The following FAM78B variants were observed in gnomAD, a reference collection of about 807,000 sequenced individuals.
FAM78B encodes the protein family with sequence similarity 78 member B, also known as protein FAM78B.
A neutral mutation model predicts 20.0 loss-of-function variants in FAM78B; 10 were observed. That is an observed-to-expected ratio of 0.50 (90% CI 0.31 to 0.85). The LOEUF (loss-of-function observed/expected upper bound fraction) is 0.85, where lower values mean the gene tolerates loss of function less well. FAM78B is among the 40% of genes least tolerant of loss of function. The pLI is 0.05. For missense variants in FAM78B, 283 were observed against 345.0 expected, an observed-to-expected ratio of 0.82 and a Z score of 1.42; for synonymous variants, 135 against 132.8, an observed-to-expected ratio of 1.02 and a Z score of -0.12.
intron 1 of FAM78B, among the ~76,000 whole-genome samples, chr1:166,094,218 A>G (rs1653188388): frequency 6.6e-6 from 1 of 152,128 alleles, no homozygotes; most frequent in East Asian, 1.9e-4. Context: ...CAAGGGAAAA[A>G]TGATGGCAAG....
intron 1 of FAM78B, among the ~76,000 whole-genome samples, chr1:166,113,887 C>A (rs2101761412): frequency 6.6e-6 from 1 of 152,316 alleles, no homozygotes; most frequent in African/African-American, 2.4e-5. Flanking sequence ...AAGATGCCAT[C>A]TTCGCAGGGG....
chr1:166,117,536 G>A (rs1654307057), intron 1 of FAM78B, among the ~76,000 whole-genome samples: 1 of 151,934 alleles, frequency 6.6e-6, no homozygotes, highest in Non-Finnish European at 1.5e-5. Flanking sequence ...CAGCTTCTAG[G>A]GGCCCCATTT....
chr1:166,075,313 T>C (rs968366920), intron 1 of FAM78B, among the ~76,000 whole-genome samples: 2 of 152,284 alleles, frequency 1.3e-5, no homozygotes, highest in Admixed American at 6.5e-5. Flanking sequence ...GTGTCACATA[T>C]AAGAGATATT....
At chr1:166,081,993 T>C (rs1160064582) in intron 1 of FAM78B, among the ~76,000 whole-genome samples, 2 of 152,174 alleles carry the variant, frequency 1.3e-5, no homozygotes, top group African/African-American at 4.8e-5. Flanking sequence ...GCCGCCACCC[T>C]TCTCCAAGCC....
At chr1:166,131,320 A>G (rs191999951) in intron 1 of FAM78B, among the ~76,000 whole-genome samples, 11 of 152,174 alleles carry the variant, frequency 7.2e-5, no homozygotes, top group Non-Finnish European at 1.3e-4. Flanking sequence ...GGTGCTTTTT[A>G]ATAGTGTCTC....
chr1:166,152,009 A>AG (rs897446671), intron 1 of FAM78B, among the ~76,000 whole-genome samples: 107 of 152,286 alleles, frequency 7.0e-4, no homozygotes, highest in African/African-American at 2.4e-3. Flanking sequence ...GCAACCCCAC[A>AG]GGTACCCAGA....
chr1:166,101,772 T>C (rs1028914991), intron 1 of FAM78B, among the ~76,000 whole-genome samples: 10 of 151,932 alleles, frequency 6.6e-5, no homozygotes, highest in Admixed American at 2.0e-4. Flanking sequence ...GGAACCAAGT[T>C]GGAAAACACT....
downstream of FAM78B, among the ~76,000 whole-genome samples, chr1:166,056,843 A>G (rs1386887940): frequency 1.3e-5 from 2 of 152,184 alleles, no homozygotes; most frequent in Non-Finnish European, 2.9e-5. Context: ...CAATATTTGT[A>G]TCCCCCACAA....
At chr1:166,101,108 C>A (rs1401720099) in intron 1 of FAM78B, among the ~76,000 whole-genome samples, 1 of 152,206 alleles carries the variant, frequency 6.6e-6, no homozygotes, top group Non-Finnish European at 1.5e-5. Context: ...CTGGCAAACT[C>A]CAACAGACCT....
chr1:166,094,141 C>T (rs1408861494), intron 1 of FAM78B, among the ~76,000 whole-genome samples: 4 of 151,644 alleles, frequency 2.6e-5, no homozygotes, highest in African/African-American at 7.3e-5. Context: ...CAGGAAGCAC[C>T]GAATGCAACC....
At chr1:166,148,511 A>C (rs559826341) in intron 1 of FAM78B, among the ~76,000 whole-genome samples, 3 of 152,242 alleles carry the variant, frequency 2.0e-5, no homozygotes, top group Non-Finnish European at 4.4e-5. Context: ...GATAATGTGA[A>C]TAAGTGTTAA....
At chr1:166,122,545 G>C (rs1654501009) in intron 1 of FAM78B, among the ~76,000 whole-genome samples, 1 of 152,178 alleles carries the variant, frequency 6.6e-6, no homozygotes, top group Non-Finnish European at 1.5e-5. Context: ...TCAGAATAGA[G>C]ATTTGCTACA....
intron 1 of FAM78B, among the ~76,000 whole-genome samples, chr1:166,094,025 G>T (rs982797338): frequency 6.6e-6 from 1 of 150,808 alleles, no homozygotes; most frequent in African/African-American, 2.4e-5. Flanking sequence ...GTGTGTGTGT[G>T]TGTGTGTGTG....
At chr1:166,100,674 C>A (rs6700427) in intron 1 of FAM78B, among the ~76,000 whole-genome samples, 29,703 of 152,170 alleles carry the variant, frequency 0.2, 3,306 homozygotes, top group East Asian at 0.37. Context: ...GAGGCTTGAG[C>A]AGGTAAACAA....
intron 1 of FAM78B, among the ~76,000 whole-genome samples, chr1:166,153,610 A>G (rs1326387734): frequency 6.6e-6 from 1 of 152,124 alleles, no homozygotes; most frequent in Non-Finnish European, 1.5e-5. Context: ...GCAGGTCTCC[A>G]GGGAGGGTAG....
chr1:166,125,570 A>G (rs1457378393), intron 1 of FAM78B, among the ~76,000 whole-genome samples: 1 of 152,194 alleles, frequency 6.6e-6, no homozygotes, highest in Non-Finnish European at 1.5e-5. Context: ...GAGCTAAACT[A>G]TTAACAAATA....
chr1:166,105,336 A>G (rs545730469), intron 1 of FAM78B, among the ~76,000 whole-genome samples: 2 of 152,290 alleles, frequency 1.3e-5, no homozygotes, highest in South Asian at 4.1e-4. Context: ...AATGGCAACA[A>G]AAGCCAAAAT....
intron 1 of FAM78B, chr1:166,165,062 G>A (rs1206258182): frequency 6.6e-6 from 1 of 152,196 alleles, no homozygotes; most frequent in Non-Finnish European, 1.5e-5. Flanking sequence ...TGGCGGTTGA[G>A]GAGCCGCGGC....
intron 1 of FAM78B, among the ~76,000 whole-genome samples, chr1:166,147,525 G>A (rs554893402): frequency 3.3e-4 from 51 of 152,288 alleles, no homozygotes; most frequent in Non-Finnish European, 6.0e-4. Flanking sequence ...TGTTTTTATG[G>A]GTCTACTGCG....
Sources: allele counts gnomAD v4.1 joint callset (sites outside exome capture counted in the v4.1 genomes callset), GRCh38; gene constraint gnomAD v4.1.1; transcripts MANE v1.5; gene names NCBI Gene and HGNC (gene_info 2026-07-23, HGNC 2026-07-21).